TRPC5OS: variants seen among roughly 807,000 people sequenced by gnomAD.
The protein encoded by TRPC5OS is putative uncharacterized protein TRPC5OS.
For missense variants in TRPC5OS, 64 were observed against 79.3 expected (o/e 0.81, Z 0.73); for synonymous variants, 30 against 29.3 (o/e 1.02, Z -0.08).
chrX:111,891,644 G>A (rs777415953), intron 1 of TRPC5OS, among the ~76,000 whole-genome samples: 2 of 111,397 alleles, frequency 1.8e-5, no homozygotes, highest in African/African-American at 3.3e-5. Flanking sequence ...GGGTTCAAGC[G>A]ATTCTCCTGC....
At position 111,902,771 on chromosome X, in the gene TRPC5OS, G is replaced by A. The variant is rs1168319936; in HGVS notation, c.*586G>A. 8.9e-6 allele frequency: 1 copy of A among 111,999 alleles called. No individual in the cohort carries two copies. Among genetic ancestry groups the A allele is most frequent in the Non-Finnish European group, 1.9e-5 (1 of 53,179 alleles). 9.2% of individuals were successfully genotyped at this position (111,999 alleles called of 1,213,427 possible). A position where few individuals can be genotyped will look rare whatever the true frequency, so the allele number is the denominator to read the frequency against. On this transcript the variant is annotated 3_prime_UTR_variant, in exon 4 of 4. Transcript: ENST00000635763. ...CTACCAGATAATAAAAGTGAAGAAA[G>A]GTTTTCAAATGACTGTTGCCAAGGA...
At chrX:111,876,157 T>C (rs1302080607), upstream of TRPC5OS, 4 of 111,370 alleles carry the variant, frequency 3.6e-5, no homozygotes, top group African/African-American at 1.3e-4. Context: ...GGAGGTTACC[T>C]ACCATGTGAT....
At chrX:111,883,033 C>A (rs1181517924) in intron 1 of TRPC5OS, among the ~76,000 whole-genome samples, 1 of 107,248 alleles carries the variant, frequency 9.3e-6, no homozygotes, top group Non-Finnish European at 1.9e-5. Flanking sequence ...TTGCAGTGAG[C>A]CAAGATCATG....
intron 1 of TRPC5OS, among the ~76,000 whole-genome samples, chrX:111,880,247 G>C (rs946061017): frequency 4.5e-5 from 5 of 111,701 alleles, no homozygotes; most frequent in Middle Eastern, 4.6e-3. Flanking sequence ...TGTAGAATGA[G>C]AACTCCATTA....
chrX:111,893,243 A>T (rs9969972), intron 1 of TRPC5OS, among the ~76,000 whole-genome samples: 1 of 110,325 alleles, frequency 9.1e-6, no homozygotes, highest in Non-Finnish European at 1.9e-5. Flanking sequence ...GTTACCTCCA[A>T]GTTCTGTTTT....
At position 111,902,875 on chromosome X, in the gene TRPC5OS, C is replaced by T; in HGVS notation, c.*690C>T. 8.9e-6 allele frequency: 1 copy of T among 111,930 alleles called. No homozygotes were observed. The highest frequency in any genetic ancestry group is 1.9e-5 in the Non-Finnish European group (1 of 53,104). 9.2% of individuals were successfully genotyped at this position (111,930 alleles called of 1,213,427 possible). The stretch of plus-strand genomic sequence containing the variant: ...TTCTGACCACATTGTAGCTACTTTG[C>T]ACTATTATTCCCCAAATGGAAAAGG... On this transcript the variant is annotated 3_prime_UTR_variant, in exon 4 of 4. Coordinates refer to ENST00000635763, the MANE Select transcript of TRPC5OS (RefSeq NM_001195578.2).
intron 1 of TRPC5OS, among the ~76,000 whole-genome samples, chrX:111,890,560 A>G (rs1435607136): frequency 1.8e-5 from 2 of 111,242 alleles, no homozygotes; most frequent in Non-Finnish European, 3.8e-5. Flanking sequence ...ATCCTCCTGT[A>G]CACCAAGAGA....
intron 1 of TRPC5OS, among the ~76,000 whole-genome samples, chrX:111,884,363 T>C (rs1386932071): frequency 8.9e-6 from 1 of 112,608 alleles, no homozygotes; most frequent in African/African-American, 3.2e-5. Context: ...TGCCAGGCCC[T>C]AGCTTATTAA....
chrX:111,896,715 G>T (rs1481146720), intron 3 of TRPC5OS, among the ~76,000 whole-genome samples: 10 of 111,548 alleles, frequency 9.0e-5, no homozygotes, highest in Non-Finnish European at 1.9e-4. Flanking sequence ...TGTCAGCTCT[G>T]GCCCTGAATA....
chrX:111,877,582 C>T (rs1319574060), intron 1 of TRPC5OS, among the ~76,000 whole-genome samples: 1 of 111,254 alleles, frequency 9.0e-6, no homozygotes, highest in East Asian at 2.8e-4. Context: ...ACATCAGAGT[C>T]AGAGTCAGAG....
chrX:111,903,898 T>C lies in TRPC5OS; in HGVS notation c.*1713T>C, dbSNP rs1485089517. On this transcript the variant is annotated 3_prime_UTR_variant, in exon 4 of 4. Coordinates refer to ENST00000635763, the MANE Select transcript of TRPC5OS (RefSeq NM_001195578.2). Reference sequence around the variant, plus strand: ...ACTGCTAGTTATTATCTTATGATTGTTTACAATCTGTATTAGCTATTGATC... The same window carrying C: ...ACTGCTAGTTATTATCTTATGATTGCTTACAATCTGTATTAGCTATTGATC... 8.9e-6 allele frequency: 1 copy of C among 112,407 alleles called. No homozygotes were observed. Among genetic ancestry groups the C allele is most frequent in the East Asian group, 2.8e-4 (1 of 3,621 alleles). The allele number at this position is 112,407 out of a possible 1,213,427, so 9.3% of individuals were successfully genotyped here.
At chrX:111,894,736 T>G (rs1435838259) in intron 1 of TRPC5OS, among the ~76,000 whole-genome samples, 1 of 111,990 alleles carries the variant, frequency 8.9e-6, no homozygotes, top group Non-Finnish European at 1.9e-5. Flanking sequence ...TAAAACTATT[T>G]TTTTTGAGGT....
At chrX:111,876,487 A>G (rs777143413) in intron 1 of TRPC5OS, among the ~76,000 whole-genome samples, 1 of 111,847 alleles carries the variant, frequency 8.9e-6, no homozygotes, top group African/African-American at 3.3e-5. Flanking sequence ...ACTGATATAA[A>G]CATCGTTTAT....
intron 1 of TRPC5OS, among the ~76,000 whole-genome samples, chrX:111,883,606 A>G (rs530307214): frequency 1.2e-3 from 136 of 112,702 alleles, no homozygotes; most frequent in Middle Eastern, 4.6e-3. Flanking sequence ...GAATTTTGAT[A>G]AAGTATAGCC....
chrX:111,885,980 A>C (rs1337925365), intron 1 of TRPC5OS, among the ~76,000 whole-genome samples: 1 of 112,019 alleles, frequency 8.9e-6, no homozygotes, highest in African/African-American at 3.3e-5. Flanking sequence ...ATTCCCCTTA[A>C]AAATAATGTT....
intron 1 of TRPC5OS, among the ~76,000 whole-genome samples, chrX:111,889,623 C>T (rs1467384903): frequency 9.0e-6 from 1 of 111,702 alleles, no homozygotes. Flanking sequence ...AAAATGCTAA[C>T]CCTTGGCTCC....
Position 111,903,290 on chromosome X carries a change from A to G in TRPC5OS, c.*1105A>G, listed in dbSNP as rs1015832433. The G allele has an allele frequency of 8.9e-6, 1 of 112,524 alleles. No individual in the cohort carries two copies. Among genetic ancestry groups the G allele is most frequent in the Non-Finnish European group, 1.9e-5 (1 of 53,291 alleles). 9.3% of individuals were successfully genotyped at this position (112,524 alleles called of 1,213,427 possible). On this transcript the variant is annotated 3_prime_UTR_variant, in exon 4 of 4. Coordinates refer to ENST00000635763, the MANE Select transcript of TRPC5OS (RefSeq NM_001195578.2). ...ATTAGAGTTAATAGTGAAAAGAAAT[A>G]TTTAGGAAATAAGAAAATATTTAGG...
chrX:111,882,483 A>AAGAGT (rs1453511714), intron 1 of TRPC5OS, among the ~76,000 whole-genome samples: 1 of 112,765 alleles, frequency 8.9e-6, no homozygotes, highest in Non-Finnish European at 1.9e-5. Flanking sequence ...ATCCTTACGA[A>AAGAGT]AGAGTAGCTG....
chrX:111,885,799 T>C (rs1395887073), intron 1 of TRPC5OS, among the ~76,000 whole-genome samples: 1 of 111,148 alleles, frequency 9.0e-6, no homozygotes, highest in African/African-American at 3.3e-5. Context: ...ACAAACTAAA[T>C]CAATAGGGCA....
Sources: gnomAD v4.1 joint callset for allele counts (sites outside exome capture counted in the v4.1 genomes callset) on GRCh38, gnomAD v4.1.1 for gene constraint, MANE v1.5 for transcripts, NCBI Gene and HGNC (gene_info 2026-07-23, HGNC 2026-07-21) for gene names.